ZSWIM4: variants seen among roughly 807,000 people sequenced by gnomAD.
ZSWIM4 encodes the protein zinc finger SWIM domain-containing protein 4.
ZSWIM4 carries 62 observed loss-of-function variants against 102.5 expected under a neutral mutation model. That is an observed-to-expected ratio of 0.60 (90% CI 0.49 to 0.75). The LOEUF is 0.75. ZSWIM4 is among the 30% of genes least tolerant of loss of function. The pLI, the probability that ZSWIM4 is intolerant of heterozygous loss-of-function variation, is 0.00. For missense variants in ZSWIM4, 1,280 were observed against 1,529.6 expected (o/e 0.84, Z 2.72); for synonymous variants, 652 against 674.5 (o/e 0.97, Z 0.52).
At chr19:13,801,367 G>C (rs1194772061) in intron 2 of ZSWIM4, among the ~76,000 whole-genome samples, 1 of 152,160 alleles carries the variant, frequency 6.6e-6, no homozygotes, top group Non-Finnish European at 1.5e-5. Context: ...GAGAAGAGCA[G>C]GTCCCAGCTG....
rs987031002 is a variant in ZSWIM4, at chr19:13,809,948, T to C, written c.1012+728T>C. On this transcript the variant is annotated intron_variant, in intron 5 of 13. Transcript: ENST00000590508. This position sits in a 1 kb window ranked among gnomAD's most constrained non-coding sequence, Gnocchi z 4.2. Reference sequence around the variant, plus strand: ...CTGGGATGACAGGCATGAGCCACTGTACCAAGCTGACATATTTTTGTTTGT... The same window carrying C: ...CTGGGATGACAGGCATGAGCCACTGCACCAAGCTGACATATTTTTGTTTGT... 5.3e-5 allele frequency among the ~76,000 whole-genome samples: 8 copies of C among 151,874 alleles called. No homozygotes were observed. Among genetic ancestry groups the C allele is most frequent in the Admixed American group, 3.9e-4 (6 of 15,220 alleles).
Position 13,799,924 on chromosome 19 carries a change from G to T in ZSWIM4, c.355+3G>T, listed in dbSNP as rs1360761399. On this transcript the variant is annotated splice_donor_region_variant and intron_variant, in intron 2 of 13. Coordinates refer to ENST00000590508, the MANE Select transcript of ZSWIM4 (RefSeq NM_001367834.3). ...CGTGGACCGCGTGTTGCAAGTGGGT[G>T]AGTCTTTGTCCCCCACTCCTGCTGG... 2 of 1,608,222 alleles carry T rather than the reference G, an allele frequency of 1.2e-6. No individual in the cohort carries two copies. The highest frequency in any genetic ancestry group is 1.7e-6 in the Non-Finnish European group (2 of 1,179,366).
chr19:13,797,275 G>C (rs1974636918), intron 1 of ZSWIM4, among the ~76,000 whole-genome samples: 2 of 152,206 alleles, frequency 1.3e-5, no homozygotes, highest in Non-Finnish European at 2.9e-5. Flanking sequence ...AGTCCAGATT[G>C]GAAGGCAGGC....
At chr19:13,816,989 C>T (rs747748793) in intron 7 of ZSWIM4, among the ~76,000 whole-genome samples, 6 of 152,190 alleles carry the variant, frequency 3.9e-5, no homozygotes, top group South Asian at 2.1e-4. Context: ...GCAGGAGGAT[C>T]GCTTGAGCTC....
At chr19:13,808,018 A>C (rs1273696323) in intron 3 of ZSWIM4, among the ~76,000 whole-genome samples, 1 of 152,126 alleles carries the variant, frequency 6.6e-6, no homozygotes, top group African/African-American at 2.4e-5. Context: ...AGGAGAAGCA[A>C]ACACATCTTC....
rs527563392 is a variant in ZSWIM4, at chr19:13,806,441, A to T, written c.712+1293A>T. ...CCAGCATTTGGGAGGCTGAGGAAGGAGGATCACTCGAGACCAGCAGTTCAA... is the reference window on the plus strand; with the variant it reads ...CCAGCATTTGGGAGGCTGAGGAAGGTGGATCACTCGAGACCAGCAGTTCAA... On this transcript the variant is annotated intron_variant, in intron 3 of 13. Coordinates refer to ENST00000590508, the MANE Select transcript of ZSWIM4 (RefSeq NM_001367834.3). Among the ~76,000 whole-genome samples the T allele has an allele frequency of 5.1e-3, 770 of 152,106 alleles. 1 individual carries two copies. The highest frequency in any genetic ancestry group is 8.0e-3 in the Non-Finnish European group (542 of 68,006).
intron 11 of ZSWIM4, among the ~76,000 whole-genome samples, chr19:13,824,227 C>T (rs1975544911): frequency 6.6e-6 from 1 of 152,124 alleles, no homozygotes; most frequent in African/African-American, 2.4e-5. Flanking sequence ...TCTAAGGTCA[C>T]TAACCCTCTC....
At chr19:13,798,665 G>A (rs1187176609) in intron 1 of ZSWIM4, among the ~76,000 whole-genome samples, 1 of 152,204 alleles carries the variant, frequency 6.6e-6, no homozygotes, top group Non-Finnish European at 1.5e-5. Context: ...CAATCCTCAA[G>A]AGGTTGGTGC....
rs771137578 is a variant in ZSWIM4 at position 13,813,136 on chromosome 19, C to G, written c.1152C>G (p.Ser384Arg). 2.5e-6 allele frequency: 4 copies of G among 1,613,360 alleles called. No homozygotes were observed. In the South Asian group the frequency reaches 3.3e-5, roughly 13 times the overall value. Residue 384 changes from serine to arginine, a missense_variant, in exon 6 of 14, where the codon AGC becomes AGG. Transcript: ENST00000590508. ...GCAACTACTCCTTCGACGGCCCCAG[C>G]CTGCAGCCCACCATGGCCCCCGCCC... ...EEGNYSFDGP[S>R]LQPTMAPAPG...
At position 13,830,686 on chromosome 19, in the gene ZSWIM4, T is replaced by A; in HGVS notation, c.2957T>A (p.Ile986Asn). 6.2e-7 allele frequency: 1 copy of A among 1,606,062 alleles called. No individual in the cohort carries two copies. Among genetic ancestry groups the A allele is most frequent in the Admixed American group, 1.7e-5 (1 of 59,972 alleles). ...GAGCTCTCTGCCATCGTCCCCCTCA[T>A]CATTCGCAGCATCCACTGTGCCCCA... ...RHELSAIVPL[I>N]IRSIHCAPML... The change falls in exon 14 of 14, where the codon ATC becomes AAC. Residue 986 changes from isoleucine to asparagine, a missense_variant. By Grantham distance (149) the Ile-to-Asn change is moderately radical. Transcript: ENST00000590508.
At chr19:13,798,652 C>A (rs982613351) in intron 1 of ZSWIM4, among the ~76,000 whole-genome samples, 7 of 152,182 alleles carry the variant, frequency 4.6e-5, no homozygotes, top group African/African-American at 1.7e-4. Context: ...TATTTAGTCT[C>A]CACAATCCTC....
At chr19:13,827,603 AAAAAG>A (rs1166861221) in intron 12 of ZSWIM4, among the ~76,000 whole-genome samples, 89 of 143,854 alleles carry the variant, frequency 6.2e-4, no homozygotes, top group African/African-American at 2.3e-3. Context: ...AAAAAAAAAA[AAAAAG>A]AAAAGAAAAA....
chr19:13,805,455 G>A (rs891905992), intron 3 of ZSWIM4, among the ~76,000 whole-genome samples: 1 of 152,016 alleles, frequency 6.6e-6, no homozygotes, highest in Non-Finnish European at 1.5e-5. Context: ...AATAGATGGA[G>A]CATCCTGGGT....
chr19:13,814,901 G>A (rs956939663), intron 7 of ZSWIM4, 36 bp downstream of exon 7: 1 of 1,181,712 alleles, frequency 8.5e-7, no homozygotes, highest in Non-Finnish European at 1.1e-6. Flanking sequence ...TCGCACCTGT[G>A]ATCCCAGCAC....
rs1228672524 is a variant in ZSWIM4, at chr19:13,808,759, AAAG to A, written c.713-76_713-74del. On this transcript the variant is annotated intron_variant, in intron 3 of 13. Coordinates refer to ENST00000590508, the MANE Select transcript of ZSWIM4 (RefSeq NM_001367834.3). The stretch of plus-strand genomic sequence containing the variant: ...CGTCTCCAAAAAAAAAAAAAAAAAA[AAAG>A]GACAGCTCTCCTCAACCCAACCCAA... The A allele has an allele frequency of 9.0e-6, 12 of 1,339,252 alleles. No homozygotes were observed. In the South Asian group the frequency reaches 1.6e-4, roughly 18 times the overall value. The allele number at this position is 1,339,252 out of a possible 1,614,324, so 83.0% of individuals were successfully genotyped here.
chr19:13,830,568 G>C lies in ZSWIM4; in HGVS notation c.2839G>C (p.Ala947Pro). ...RAYKLATLAL[A>P]QLSIAFNQDS... Reference sequence around the variant, plus strand: ...CTACAAGCTGGCGACGCTGGCCCTGGCGCAGCTCAGCATCGCCTTCAACCA... The same window carrying C: ...CTACAAGCTGGCGACGCTGGCCCTGCCGCAGCTCAGCATCGCCTTCAACCA... The change falls in exon 14 of 14, where the codon GCG becomes CCG. Residue 947 changes from alanine to proline, a missense_variant. Physicochemically the swap from Ala to Pro is conservative, Grantham distance 27. Coordinates refer to ENST00000590508, the MANE Select transcript of ZSWIM4 (RefSeq NM_001367834.3). 6.3e-7 allele frequency: 1 copy of C among 1,599,728 alleles called. No individual in the cohort carries two copies. The highest frequency in any genetic ancestry group is 8.5e-7 in the Non-Finnish European group (1 of 1,179,726).
At chr19:13,823,172 C>A (rs114861113) in intron 10 of ZSWIM4, among the ~76,000 whole-genome samples, 174 bp from the exon 11 acceptor site, 1,525 of 152,154 alleles carry the variant, frequency 0.01, 21 homozygotes, top group African/African-American at 0.035. Context: ...GTAAATGTAT[C>A]AATTTATAAA....
chr19:13,805,713 T>A (rs565014528), intron 3 of ZSWIM4, among the ~76,000 whole-genome samples: 1 of 151,982 alleles, frequency 6.6e-6, no homozygotes, highest in South Asian at 2.1e-4. Flanking sequence ...GGCTCACACC[T>A]GTAATCCCAG....
At chr19:13,799,601 C>T (rs1599577095) in intron 1 of ZSWIM4, 119 bp from the exon 2 acceptor site, 2 of 969,420 alleles carry the variant, frequency 2.1e-6, no homozygotes, top group African/African-American at 1.6e-5. Context: ...ATGGGAGCCT[C>T]TCTATGTTGC....
Sources: gnomAD v4.1 joint callset for allele counts (sites outside exome capture counted in the v4.1 genomes callset) on GRCh38, gnomAD v4.1.1 for gene constraint, Gnocchi (gnomAD v3.1) non-coding constraint, MANE v1.5 for transcripts, NCBI Gene and HGNC (gene_info 2026-07-23, HGNC 2026-07-21) for gene names.